The following SLC46A3 variants were observed in gnomAD, a reference collection of about 807,000 sequenced individuals.
The protein encoded by SLC46A3 is solute carrier family 46 member 3.
Under a neutral mutation model 38.5 loss-of-function variants are expected in SLC46A3, and 26 were observed. That is an observed-to-expected ratio of 0.68 (90% CI 0.49 to 0.94). The LOEUF (loss-of-function observed/expected upper bound fraction) is 0.94. Ranked by LOEUF, SLC46A3 falls within the 40% of genes least tolerant of loss-of-function variation. SLC46A3 has a pLI of 0.00. For synonymous variants in SLC46A3, 185 were observed against 192.5 expected, an observed-to-expected ratio of 0.96 and a Z score of 0.32; for missense variants, 510 against 544.3, an observed-to-expected ratio of 0.94 and a Z score of 0.63.
chr13:28,716,321 C>A (rs899805802), intron 2 of SLC46A3, among the ~76,000 whole-genome samples: 13 of 152,064 alleles, frequency 8.5e-5, no homozygotes, highest in African/African-American at 3.1e-4. Context: ...TGAAGAGCAT[C>A]CCTGCTGTAG....
rs1885586759 is a variant in SLC46A3 at position 28,718,117 on chromosome 13, G to A, written c.-24-95C>T. Reference sequence around the variant, plus strand: ...GTTTGAGCAATTTTGTGGAGTAAATGTTTAAACAAGCAAACTAGAGAACAG... The same window carrying A: ...GTTTGAGCAATTTTGTGGAGTAAATATTTAAACAAGCAAACTAGAGAACAG... On this transcript the variant is annotated intron_variant, in intron 1 of 5. Coordinates refer to ENST00000266943, the MANE Select transcript of SLC46A3 (RefSeq NM_181785.4). The A allele has an allele frequency of 3.1e-6, 3 of 956,532 alleles. No homozygotes were observed. In the South Asian group the frequency reaches 5.1e-5, roughly 16 times the overall value. 59.3% of individuals were successfully genotyped at this position (956,532 alleles called of 1,614,324 possible).
chr13:28,709,770 T>C (rs933396019), intron 4 of SLC46A3, among the ~76,000 whole-genome samples: 2 of 152,174 alleles, frequency 1.3e-5, no homozygotes, highest in Non-Finnish European at 2.9e-5. Context: ...AGAAAGGTTA[T>C]GGTGTTTCTT....
chr13:28,712,960 G>T lies in SLC46A3; in HGVS notation c.780C>A (p.Leu260=), dbSNP rs1478939991. 6.2e-7 allele frequency: 1 copy of T among 1,611,886 alleles called. No homozygotes were observed. The highest frequency in any genetic ancestry group is 8.5e-7 in the Non-Finnish European group (1 of 1,179,522). ...KNASGKRRFL[L]CLLLFTVITY... ...TGATTACTGTAAAAAGTAACAAACA[G>T]AGCAAAAATCGTCTCTTACCAGAAG... is the stretch of plus-strand genomic sequence containing the variant. The change falls in exon 3 of 6, where the codon CTC becomes CTA. Residue 260 remains leucine (L), a synonymous_variant. Coordinates refer to ENST00000266943, the MANE Select transcript of SLC46A3 (RefSeq NM_181785.4).
At chr13:28,712,003 T>C (rs1885358003) in intron 3 of SLC46A3, among the ~76,000 whole-genome samples, 1 of 152,210 alleles carries the variant, frequency 6.6e-6, no homozygotes, top group Non-Finnish European at 1.5e-5. Context: ...CAATTCTATT[T>C]GGTCACACTG....
At chr13:28,705,720 A>T (rs1296604164) in intron 4 of SLC46A3, among the ~76,000 whole-genome samples, 1 of 152,248 alleles carries the variant, frequency 6.6e-6, no homozygotes, top group East Asian at 1.9e-4. Flanking sequence ...ATCAAGTAGC[A>T]TGCAGACTTA....
At chr13:28,711,434 A>C (rs959338607) in intron 3 of SLC46A3, among the ~76,000 whole-genome samples, 54 of 151,952 alleles carry the variant, frequency 3.6e-4, no homozygotes, top group African/African-American at 1.3e-3. Flanking sequence ...AAGAAAAAAA[A>C]AAAACAAAAA....
At chr13:28,717,510 TAG>T (rs1885564580) in intron 2 of SLC46A3, among the ~76,000 whole-genome samples, 1 of 118,676 alleles carries the variant, frequency 8.4e-6, no homozygotes, top group African/African-American at 3.1e-5. Context: ...TTTTTTTTTT[TAG>T]GACAAAGCAA....
intron 2 of SLC46A3, among the ~76,000 whole-genome samples, chr13:28,716,853 A>G (rs1308223100): frequency 6.6e-6 from 1 of 152,192 alleles, no homozygotes; most frequent in African/African-American, 2.4e-5. Context: ...TCACAGAGCC[A>G]GCAGGAGGTG....
At position 28,707,557 on chromosome 13, in the gene SLC46A3, TA is replaced by T. The variant is rs565044750; in HGVS notation, c.1144+3202del. 6.6e-3 allele frequency among the ~76,000 whole-genome samples: 1,010 copies of T among 152,114 alleles called. 8 individuals are homozygous for T. The highest frequency in any genetic ancestry group is 0.023 in the African/African-American group (954 of 41,480). On this transcript the variant is annotated intron_variant, in intron 4 of 5. Transcript: ENST00000266943. The stretch of plus-strand genomic sequence containing the variant: ...ATGTACCCTAAAACTTAAAGTATAA[TA>T]AAAAAAATTTTAAAAAGCCTTTATA...
Position 28,717,398 on chromosome 13 carries a change from G to T in SLC46A3, c.189+412C>A, listed in dbSNP as rs1268166329. Among the ~76,000 whole-genome samples, 8 of 151,502 alleles carry T rather than the reference G, an allele frequency of 5.3e-5. 1 individual carries two copies. The highest frequency in any genetic ancestry group is 1.2e-4 in the Non-Finnish European group (8 of 67,958). Reference sequence around the variant, plus strand: ...ACAGTAAAAGGATTGGGGAAGAATAGAGCAAGTGAGAGACAGAAACACCAT... The same window carrying T: ...ACAGTAAAAGGATTGGGGAAGAATATAGCAAGTGAGAGACAGAAACACCAT... On this transcript the variant is annotated intron_variant, in intron 2 of 5. Transcript: ENST00000266943.
In SLC46A3 at chr13:28,700,972, T is replaced by A. The variant is rs1336555514; in HGVS notation, c.*525A>T. The A allele has an allele frequency of 6.5e-7, 1 of 1,533,386 alleles. No individual in the cohort carries two copies. The highest frequency in any genetic ancestry group is 1.2e-5 in the South Asian group (1 of 83,298). The allele number at this position is 1,533,386 out of a possible 1,614,324, so 95.0% of individuals were successfully genotyped here. ...TTAACAGGCTCTATAAAATAAAGCA[T>A]TACCAAGTATAGGTAAAATCATACA... On this transcript the variant is annotated 3_prime_UTR_variant, in exon 6 of 6. Coordinates refer to ENST00000266943, the MANE Select transcript of SLC46A3 (RefSeq NM_181785.4).
chr13:28,702,391 A>G (rs1471007523), intron 5 of SLC46A3, among the ~76,000 whole-genome samples: 1 of 152,164 alleles, frequency 6.6e-6, no homozygotes, highest in Non-Finnish European at 1.5e-5. Context: ...TTTTGCTGTA[A>G]TTAACGTTTT....
chr13:28,712,856 A>C lies in SLC46A3; in HGVS notation c.884T>G (p.Val295Gly). The change falls in exon 3 of 6, where the codon GTT becomes GGT. Residue 295 changes from valine (V) to glycine (G), a missense_variant. Coordinates refer to ENST00000266943, the MANE Select transcript of SLC46A3 (RefSeq NM_181785.4). ...CAAAGCTGATCCATAACCTATAAAA[A>C]CTTCATTCCAGCAGAGTGGTGAATC... ...ELDSPLCWNE[V>G]FIGYGSALGS... 6.2e-7 allele frequency: 1 copy of C among 1,611,028 alleles called. No homozygotes were observed. Among genetic ancestry groups the C allele is most frequent in the Non-Finnish European group, 8.5e-7 (1 of 1,179,374 alleles).
chr13:28,710,923 GTCTAAATACT>G, intron 3 of SLC46A3, 80 bp from the exon 4 acceptor site: 1 of 953,246 alleles, frequency 1.0e-6, no homozygotes, highest in Non-Finnish European at 1.6e-6. Flanking sequence ...CTTTCACTCT[GTCTAAATACT>G]TCCTTTTCTA....
chr13:28,714,499 A>C (rs548276596), intron 2 of SLC46A3, among the ~76,000 whole-genome samples: 53 of 152,142 alleles, frequency 3.5e-4, no homozygotes, highest in African/African-American at 1.3e-3. Flanking sequence ...CTGTAATCCT[A>C]GCACTTTGGG....
intron 4 of SLC46A3, among the ~76,000 whole-genome samples, chr13:28,707,268 G>T (rs1258913127): frequency 6.6e-6 from 1 of 151,824 alleles, no homozygotes; most frequent in Non-Finnish European, 1.5e-5. Flanking sequence ...GATGAAGCTG[G>T]AAACCATCAT....
intron 2 of SLC46A3, 52 bp downstream of exon 2, chr13:28,717,758 C>T: frequency 6.4e-7 from 1 of 1,555,052 alleles, no homozygotes; most frequent in Non-Finnish European, 8.8e-7. Context: ...TAACTCAAAG[C>T]CCGGTATACA....
chr13:28,714,139 TACA>T (rs1885451082), intron 2 of SLC46A3, among the ~76,000 whole-genome samples: 2 of 20,154 alleles, frequency 9.9e-5, no homozygotes, highest in Admixed American at 1.4e-3. Flanking sequence ...TACCAAAAAA[TACA>T]AAAAAAAAAA....
rs1885417135 is a variant in SLC46A3, at chr13:28,713,179, A to AGAT, written c.558_560dup (p.Ser187dup). ...AACCTAGCTCTCTAATAAAATAGCC[A>AGAT]GATGACAGTCCTGTTAGTCCAGTAA... On this transcript the variant is annotated inframe_insertion, in exon 3 of 6. Transcript: ENST00000266943. 1.9e-6 allele frequency: 3 copies of AGAT among 1,614,064 alleles called. No individual in the cohort carries two copies. In the African/African-American group the frequency reaches 4.0e-5, roughly 22 times the overall value.
Sources: gnomAD v4.1 joint callset for allele counts (sites outside exome capture counted in the v4.1 genomes callset) on GRCh38, gnomAD v4.1.1 for gene constraint, MANE v1.5 for transcripts, NCBI Gene and HGNC (gene_info 2026-07-23, HGNC 2026-07-21) for gene names.